Variants in FHIT observed in about 807,000 individuals in gnomAD.
FHIT encodes the protein bis(5'-adenosyl)-triphosphatase.
A neutral mutation model predicts 17.9 loss-of-function variants in FHIT; 19 were observed. The ratio of observed to expected loss-of-function variants is 1.06; its 90% CI spans 0.74 to 1.56. FHIT has a LOEUF of 1.56. Ranked by LOEUF, FHIT falls within the 40% of genes most tolerant of loss-of-function variation. The probability of loss-of-function intolerance (pLI) is 0.00; values close to 1 mark genes in which losing one functional copy is unlikely to be tolerated. For synonymous variants in FHIT, 81 were observed against 69.7 expected (o/e 1.16, Z -0.81); for missense variants, 248 against 189.2 (o/e 1.31, Z -1.82).
intron 8 of FHIT, among the ~76,000 whole-genome samples, chr3:59,881,459 T>C (rs1703407770): frequency 6.6e-6 from 1 of 152,152 alleles, no homozygotes; most frequent in South Asian, 2.1e-4. Context: ...ACTATTCCTA[T>C]AAGGCAGTCA....
intron 5 of FHIT, among the ~76,000 whole-genome samples, chr3:60,450,591 G>A (rs967002633): frequency 6.6e-6 from 1 of 152,134 alleles, no homozygotes; most frequent in East Asian, 1.9e-4. Context: ...AGCAGGAAGA[G>A]AGATTTTAAA....
chr3:61,167,810 G>A (rs1020792257), intron 2 of FHIT, among the ~76,000 whole-genome samples: 3 of 152,020 alleles, frequency 2.0e-5, no homozygotes, highest in Non-Finnish European at 4.4e-5. Context: ...CCAAGCACAG[G>A]GTTTTGGCAT....
At position 60,597,419 on chromosome 3, in the gene FHIT, T is replaced by C. The variant is rs567374438; in HGVS notation, c.-17-60440A>G. ...TCATATAGATCTAAGAGCTTTCTTC[T>C]TGCACCTAGAAAGCAGCAGAACCAT... On this transcript the variant is annotated intron_variant, in intron 4 of 9. Coordinates refer to ENST00000492590, the MANE Select transcript of FHIT (RefSeq NM_002012.4). Among the ~76,000 whole-genome samples the C allele has an allele frequency of 2.0e-5, 3 of 152,254 alleles. No individual in the cohort carries two copies. In the East Asian group the frequency reaches 5.8e-4, roughly 29 times the overall value.
At chr3:61,030,798 G>C (rs1300520893) in intron 3 of FHIT, among the ~76,000 whole-genome samples, 2 of 152,170 alleles carry the variant, frequency 1.3e-5, no homozygotes, top group Middle Eastern at 3.2e-3. Flanking sequence ...TAAAGGAGAG[G>C]CAGGCCGTGA....
chr3:59,976,299 G>A (rs1445458763), intron 7 of FHIT, among the ~76,000 whole-genome samples: 1 of 151,958 alleles, frequency 6.6e-6, no homozygotes, highest in African/African-American at 2.4e-5. Context: ...ATAATATATG[G>A]TATAAGCAAA....
chr3:60,732,434 G>A (rs1309162254), intron 4 of FHIT: 5 of 739,516 alleles, frequency 6.8e-6, no homozygotes, highest in African/African-American at 1.7e-5. Flanking sequence ...CATATGGCAT[G>A]TGAAGTCACC....
chr3:60,856,467 C>A (rs559914687), intron 3 of FHIT: 1 of 152,218 alleles, frequency 6.6e-6, no homozygotes, highest in South Asian at 2.1e-4. Context: ...ATGGCAGTTG[C>A]AATGAAGCAA....
At chr3:60,929,266 G>A (rs185530027) in intron 3 of FHIT, among the ~76,000 whole-genome samples, 81 of 152,246 alleles carry the variant, frequency 5.3e-4, no homozygotes, top group Non-Finnish European at 2.4e-4. Flanking sequence ...TACTGAATGG[G>A]CAAAAACTGG....
chr3:60,081,934 C>T (rs1457109232), intron 5 of FHIT, among the ~76,000 whole-genome samples: 2 of 151,570 alleles, frequency 1.3e-5, no homozygotes, highest in Non-Finnish European at 2.9e-5. Context: ...TCTACAAACT[C>T]GATGAGTTCA....
chr3:61,047,535 T>C (rs1023331231), intron 2 of FHIT, among the ~76,000 whole-genome samples: 1 of 152,074 alleles, frequency 6.6e-6, no homozygotes, highest in Non-Finnish European at 1.5e-5. Context: ...AGAATCAATA[T>C]CATGAAAATG....
At chr3:60,864,496 T>C (rs1704075210) in intron 3 of FHIT, among the ~76,000 whole-genome samples, 1 of 152,098 alleles carries the variant, frequency 6.6e-6, no homozygotes, top group Non-Finnish European at 1.5e-5. Context: ...AATACCTTCA[T>C]CAAGAAAAGG....
At chr3:60,218,245 G>C (rs564195478) in intron 5 of FHIT, among the ~76,000 whole-genome samples, 2 of 152,172 alleles carry the variant, frequency 1.3e-5, no homozygotes, top group Admixed American at 6.5e-5. Context: ...GAAAGAATGA[G>C]ATACTACATT....
chr3:60,663,837 G>A (rs566315854), intron 4 of FHIT, among the ~76,000 whole-genome samples: 20 of 152,102 alleles, frequency 1.3e-4, no homozygotes, highest in African/African-American at 2.4e-4. Flanking sequence ...GTAAAAATAC[G>A]ATTAACTGTT....
At chr3:61,083,498 G>C (rs894253967) in intron 2 of FHIT, among the ~76,000 whole-genome samples, 1 of 152,198 alleles carries the variant, frequency 6.6e-6, no homozygotes, top group Non-Finnish European at 1.5e-5. Context: ...GCTGAGGCAG[G>C]AGAATGGCGT....
chr3:60,434,501 G>A (rs1258228687), intron 5 of FHIT, among the ~76,000 whole-genome samples: 2 of 152,058 alleles, frequency 1.3e-5, no homozygotes, highest in East Asian at 3.9e-4. Context: ...ACAGCAGGGT[G>A]AGAATGATCA....
intron 5 of FHIT, among the ~76,000 whole-genome samples, chr3:60,076,046 T>C (rs776760644): frequency 2.3e-4 from 35 of 152,096 alleles, no homozygotes; most frequent in Non-Finnish European, 4.0e-4. Context: ...GTAAGTATGA[T>C]AGTCATTTTG....
intron 3 of FHIT, among the ~76,000 whole-genome samples, chr3:60,860,816 G>A (rs373680244): frequency 0.45 from 1,330 of 2,954 alleles, 557 homozygotes; most frequent in Non-Finnish European, 0.9. Context: ...TATATATCAG[G>A]TATATATGAT....
intron 4 of FHIT, among the ~76,000 whole-genome samples, chr3:60,767,911 A>T (rs541202563): frequency 6.6e-6 from 1 of 152,330 alleles, no homozygotes; most frequent in East Asian, 1.9e-4. Flanking sequence ...GTCTGTATCA[A>T]ATGAAAGTAG....
intron 5 of FHIT, among the ~76,000 whole-genome samples, chr3:60,422,918 G>A (rs1299314047): frequency 1.3e-5 from 2 of 151,994 alleles, no homozygotes; most frequent in African/African-American, 4.8e-5. Flanking sequence ...CAAATATTTT[G>A]TATTACCCTC....
Sources: gnomAD v4.1 joint callset for allele counts (sites outside exome capture counted in the v4.1 genomes callset) on GRCh38, gnomAD v4.1.1 for gene constraint, MANE v1.5 for transcripts, NCBI Gene and HGNC (gene_info 2026-07-23, HGNC 2026-07-21) for gene names.